NPC2: variants seen among roughly 807,000 people sequenced by gnomAD.
The protein encoded by NPC2 is NPC intracellular cholesterol transporter 2.
Under a neutral mutation model 17.0 loss-of-function variants are expected in NPC2, and 14 were observed. That is an observed-to-expected ratio of 0.82 (90% CI 0.54 to 1.29). The LOEUF (loss-of-function observed/expected upper bound fraction) is 1.29. Ranked by LOEUF, NPC2 falls within the 50% of genes most tolerant of loss-of-function variation. The pLI is 0.00. For synonymous variants in NPC2, 75 were observed against 69.3 expected, an observed-to-expected ratio of 1.08 and a Z score of -0.41; for missense variants, 167 against 183.4, an observed-to-expected ratio of 0.91 and a Z score of 0.52.
intron 1 of NPC2, among the ~76,000 whole-genome samples, chr14:74,491,160 C>T (rs571209813): frequency 1.3e-4 from 20 of 152,280 alleles, no homozygotes; most frequent in Admixed American, 1.2e-3. Flanking sequence ...GTAACCTCCA[C>T]CTCCCGGGTT....
chr14:74,493,112 C>G lies in NPC2; in HGVS notation c.82+81G>C. ...GGCCGCCCGAGGGATCCGCCCAGCC[C>G]AGCCCCAGGGGTCTCAGCGCGGGGG... On this transcript the variant is annotated intron_variant, in intron 1 of 4. Coordinates refer to ENST00000555619, the MANE Select transcript of NPC2 (RefSeq NM_006432.5). This position sits in a 1 kb window ranked among gnomAD's most constrained non-coding sequence, Gnocchi z 4.1. The G allele has an allele frequency of 6.6e-7, 1 of 1,522,356 alleles. No individual in the cohort carries two copies. The highest frequency in any genetic ancestry group is 8.9e-7 in the Non-Finnish European group (1 of 1,123,902). The allele number at this position is 1,522,356 out of a possible 1,614,324, so 94.3% of individuals were successfully genotyped here. A position where few individuals can be genotyped will look rare whatever the true frequency, so the allele number is the denominator to read the frequency against.
At chr14:74,484,299 T>C in intron 3 of NPC2, 116 bp downstream of exon 3, 6 of 1,134,932 alleles carry the variant, frequency 5.3e-6, no homozygotes, top group Non-Finnish European at 8.0e-6. Context: ...CTCGGGCTTC[T>C]TCTTCATCAT....
chr14:74,481,375 G>A (rs1156993992), intron 3 of NPC2, among the ~76,000 whole-genome samples: 4 of 152,218 alleles, frequency 2.6e-5, no homozygotes, highest in Non-Finnish European at 5.9e-5. Context: ...GCAGGTGGTG[G>A]CACTATGCTT....
chr14:74,482,292 G>C (rs1359841472), intron 3 of NPC2, among the ~76,000 whole-genome samples: 1 of 152,166 alleles, frequency 6.6e-6, no homozygotes, highest in African/African-American at 2.4e-5. Flanking sequence ...GCCAGATATT[G>C]CTCCTGAGTT....
intron 1 of NPC2, among the ~76,000 whole-genome samples, chr14:74,489,878 T>C (rs959150768): frequency 6.6e-6 from 1 of 152,234 alleles, no homozygotes; most frequent in Non-Finnish European, 1.5e-5. Flanking sequence ...CTGGAGATAA[T>C]GGTGTAGCTG....
At chr14:74,492,847 T>C (rs1392588495) in intron 1 of NPC2, among the ~76,000 whole-genome samples, 4 of 151,928 alleles carry the variant, frequency 2.6e-5, no homozygotes, top group Non-Finnish European at 2.9e-5. Context: ...ATACAAAGCA[T>C]AAATAAAAAG....
intron 1 of NPC2, among the ~76,000 whole-genome samples, chr14:74,486,933 T>C (rs2086718142): frequency 6.6e-6 from 1 of 152,150 alleles, no homozygotes; most frequent in South Asian, 2.1e-4. Context: ...CTGATGAAAG[T>C]TGTTCACTAC....
chr14:74,484,335 T>C, intron 3 of NPC2, 80 bp downstream of exon 3: 2 of 1,458,560 alleles, frequency 1.4e-6, no homozygotes, highest in Non-Finnish European at 1.9e-6. Context: ...TTTACCCCCA[T>C]CTCTGCTTCT....
Position 74,493,076 on chromosome 14 carries a change from A to G in NPC2, c.82+117T>C. 2 of 1,341,408 alleles carry G rather than the reference A, an allele frequency of 1.5e-6. No homozygotes were observed. Among genetic ancestry groups the G allele is most frequent in the South Asian group, 1.3e-5 (1 of 74,840 alleles). 83.1% of individuals were successfully genotyped at this position (1,341,408 alleles called of 1,614,324 possible). ...GCCCATTCCAGTTAGGTAGGGTCCA[A>G]GGCTCAGCCTGGCCGCCCGAGGGAT... On this transcript the variant is annotated intron_variant, in intron 1 of 4. Transcript: ENST00000555619. The surrounding 1 kb of genome is among the most constrained non-coding windows in gnomAD (Gnocchi z 4.1).
chr14:74,492,185 C>A (rs539368832), intron 1 of NPC2, among the ~76,000 whole-genome samples: 36 of 152,290 alleles, frequency 2.4e-4, no homozygotes, highest in African/African-American at 7.5e-4. Context: ...AAACTCTGAT[C>A]CCCGAATGCT....
chr14:74,486,420 A>C lies in NPC2; in HGVS notation c.99T>G (p.Val33=). 1 of 1,596,680 alleles carries C rather than the reference A, an allele frequency of 6.3e-7. No individual in the cohort carries two copies. The change falls in exon 2 of 5, where the codon GTT becomes GTG. Residue 33 remains valine, a synonymous_variant. Coordinates refer to ENST00000555619, the MANE Select transcript of NPC2 (RefSeq NM_006432.5). ...QFKDCGSVDG[V]IKEVNVSPCP... Reference sequence around the variant, plus strand: ...ATGGGCTCACATTCACTTCCTTTATAACTCCATCCACAGAACCTGCAAAAG... The same window carrying C: ...ATGGGCTCACATTCACTTCCTTTATCACTCCATCCACAGAACCTGCAAAAG...
At chr14:74,484,674 C>T in intron 2 of NPC2, 87 bp from the exon 3 acceptor site, 2 of 1,353,688 alleles carry the variant, frequency 1.5e-6, no homozygotes, top group South Asian at 1.2e-5. Context: ...TCCCAAGCAA[C>T]AGCATTCCTA....
intron 1 of NPC2, among the ~76,000 whole-genome samples, chr14:74,491,656 C>T (rs545578117): frequency 6.6e-6 from 1 of 152,294 alleles, no homozygotes; most frequent in African/African-American, 2.4e-5. Flanking sequence ...ATTACCTGGG[C>T]ACTGGATATA....
At chr14:74,481,526 A>G (rs2086655856) in intron 3 of NPC2, among the ~76,000 whole-genome samples, 1 of 152,258 alleles carries the variant, frequency 6.6e-6, no homozygotes, top group Admixed American at 6.5e-5. Context: ...TTTCTCATGT[A>G]TTTGGCAATC....
intron 1 of NPC2, among the ~76,000 whole-genome samples, chr14:74,488,969 C>A (rs1457043604): frequency 6.6e-6 from 1 of 152,142 alleles, no homozygotes; most frequent in South Asian, 2.1e-4. Context: ...TCTTTAAGGC[C>A]CACTTATGAG....
At chr14:74,492,261 C>T (rs1354936516) in intron 1 of NPC2, among the ~76,000 whole-genome samples, 4 of 152,194 alleles carry the variant, frequency 2.6e-5, no homozygotes, top group African/African-American at 9.7e-5. Flanking sequence ...GCGTGAATTA[C>T]TCTTTTCGCC....
chr14:74,488,658 G>A (rs2086738705), intron 1 of NPC2, among the ~76,000 whole-genome samples: 1 of 152,198 alleles, frequency 6.6e-6, no homozygotes. Flanking sequence ...AGGTTGCAGT[G>A]AGCCGAGATT....
chr14:74,488,245 C>T (rs1273295296), intron 1 of NPC2, among the ~76,000 whole-genome samples: 3 of 152,192 alleles, frequency 2.0e-5, no homozygotes, highest in Non-Finnish European at 4.4e-5. Context: ...ATCTTCTATC[C>T]AGATTTTGTA....
chr14:74,488,038 A>G (rs1160647396), intron 1 of NPC2, among the ~76,000 whole-genome samples: 1 of 152,238 alleles, frequency 6.6e-6, no homozygotes, highest in Non-Finnish European at 1.5e-5. Flanking sequence ...TTAAATACGC[A>G]GCCATGTTGA....
Sources: allele counts gnomAD v4.1 joint callset (sites outside exome capture counted in the v4.1 genomes callset), GRCh38; gene constraint gnomAD v4.1.1; non-coding constraint Gnocchi (gnomAD v3.1); transcripts MANE v1.5; gene names NCBI Gene and HGNC (gene_info 2026-07-23, HGNC 2026-07-21).